SIRT7: variants seen among roughly 807,000 people sequenced by gnomAD.
The protein encoded by SIRT7 is sirtuin 7.
In SIRT7, 32 loss-of-function variants were observed where a neutral mutation model predicts 42.8. The ratio of observed to expected loss-of-function variants is 0.75; its 90% CI spans 0.56 to 1.00. The LOEUF (loss-of-function observed/expected upper bound fraction) is 1.00. Ranked by LOEUF, SIRT7 falls within the 50% of genes least tolerant of loss-of-function variation. The probability of loss-of-function intolerance (pLI) is 0.00; values close to 1 mark genes in which losing one functional copy is unlikely to be tolerated. For synonymous variants in SIRT7, 297 were observed against 245.2 expected, an observed-to-expected ratio of 1.21 and a Z score of -1.97; for missense variants, 553 against 572.2, an observed-to-expected ratio of 0.97 and a Z score of 0.34.
At chr17:81,917,777 G>C (rs1475149139) in intron 2 of SIRT7, 53 bp downstream of exon 2, 1 of 1,424,372 alleles carries the variant, frequency 7.0e-7, no homozygotes, top group East Asian at 3.0e-5. Context: ...ACCGCCCGTC[G>C]CCCCAGCTGC....
rs2040741837 is a variant in SIRT7 at position 81,913,942 on chromosome 17, G to A, written c.898-62C>T. 1 of 1,543,772 alleles carries A rather than the reference G, an allele frequency of 6.5e-7. No individual in the cohort carries two copies. The highest frequency in any genetic ancestry group is 8.8e-7 in the Non-Finnish European group (1 of 1,137,242). On this transcript the variant is annotated intron_variant, in intron 8 of 9. Coordinates refer to ENST00000328666, the MANE Select transcript of SIRT7 (RefSeq NM_016538.3). The surrounding 1 kb of genome is among the most constrained non-coding windows in gnomAD (Gnocchi z 5.0). ...CCCAACCCTTCCCGGTGGCCTGTCAGCCTTGGCCCCTACGGGCTCAGTCGG... is the reference window on the plus strand; with the variant it reads ...CCCAACCCTTCCCGGTGGCCTGTCAACCTTGGCCCCTACGGGCTCAGTCGG...
intron 9 of SIRT7, chr17:81,913,000 A>G (rs2040717258): frequency 5.4e-6 from 2 of 373,644 alleles, no homozygotes; most frequent in Non-Finnish European, 1.0e-5. Context: ...CAGGTGGACC[A>G]GACCCTCTCC....
In SIRT7 at chr17:81,915,491, G is replaced by C; in HGVS notation, c.429C>G (p.Ala143=). ...RSVSAADLSE[A]EPTLTHMSIT... ...TGCTCATGTGGGTGAGGGTTGGCTC[G>C]GCCTCGCTCAGGTCGGCAGCACTGC... The change falls in exon 5 of 10, where the codon GCC becomes GCG. Residue 143 remains alanine (A), a synonymous_variant. Coordinates refer to ENST00000328666, the MANE Select transcript of SIRT7 (RefSeq NM_016538.3). The C allele has an allele frequency of 1.9e-6, 3 of 1,613,648 alleles. No individual in the cohort carries two copies. Among genetic ancestry groups the C allele is most frequent in the Non-Finnish European group, 2.5e-6 (3 of 1,179,914 alleles).
At chr17:81,915,986 T>G in intron 3 of SIRT7, 1 of 418,412 alleles carries the variant, frequency 2.4e-6, no homozygotes, top group Non-Finnish European at 4.5e-6. Flanking sequence ...CTGTGGCACA[T>G]GTGTCCTCCA....
rs999598842 is a variant in SIRT7, at chr17:81,913,550, C to G, written c.1004+224G>C. The G allele has an allele frequency of 3.7e-6, 2 of 542,686 alleles. No homozygotes were observed. The highest frequency in any genetic ancestry group is 4.0e-5 in the South Asian group (2 of 50,126). 33.6% of individuals were successfully genotyped at this position (542,686 alleles called of 1,614,324 possible). The stretch of plus-strand genomic sequence containing the variant: ...AGCACGCGGGCAGAATCCCTCTCCC[C>G]GCGGGGATTGTGTGTGCCACATCAG... On this transcript the variant is annotated intron_variant, in intron 9 of 9. Coordinates refer to ENST00000328666, the MANE Select transcript of SIRT7 (RefSeq NM_016538.3). This position sits in a 1 kb window ranked among gnomAD's most constrained non-coding sequence, Gnocchi z 5.0.
chr17:81,917,502 G>A, intron 3 of SIRT7, 113 bp downstream of exon 3: 1 of 913,302 alleles, frequency 1.1e-6, no homozygotes, highest in Admixed American at 3.8e-5. Context: ...GGTAAGTTTT[G>A]GTCATTTCGT....
Position 81,912,211 on chromosome 17 carries a change from G to T in SIRT7, c.*205C>A. On this transcript the variant is annotated 3_prime_UTR_variant, in exon 10 of 10. Coordinates refer to ENST00000328666, the MANE Select transcript of SIRT7 (RefSeq NM_016538.3). ...CCACCTCTTGACACAGAGGCCGGATGGGCAGGTGTCCTCGATGGCCAGGCC... is the reference window on the plus strand; with the variant it reads ...CCACCTCTTGACACAGAGGCCGGATTGGCAGGTGTCCTCGATGGCCAGGCC... 3.2e-6 allele frequency: 2 copies of T among 628,350 alleles called. No individual in the cohort carries two copies. The highest frequency in any genetic ancestry group is 1.8e-5 in the African/African-American group (1 of 54,572). The allele number at this position is 628,350 out of a possible 1,614,324, so 38.9% of individuals were successfully genotyped here. A position where few individuals can be genotyped will look rare whatever the true frequency, so the allele number is the denominator to read the frequency against.
At chr17:81,915,542 G>A (rs749144381) in intron 4 of SIRT7, 30 bp from the exon 5 acceptor site, 1 of 1,613,352 alleles carries the variant, frequency 6.2e-7, no homozygotes, top group South Asian at 1.1e-5. Flanking sequence ...GCAAGGTGAG[G>A]AGAGCTGGAG....
Position 81,915,527 on chromosome 17 carries a change from G to A in SIRT7, c.408-15C>T. 3 of 1,613,552 alleles carry A rather than the reference G, an allele frequency of 1.9e-6. No homozygotes were observed. Among genetic ancestry groups the A allele is most frequent in the South Asian group, 2.2e-5 (2 of 90,974 alleles). ...GGTCGGCAGCACTGCCAGGCAGAAA[G>A]GAAGGCAAGGTGAGGAGAGCTGGAG... is the stretch of plus-strand genomic sequence containing the variant. On this transcript the variant is annotated splice_polypyrimidine_tract_variant and intron_variant, in intron 4 of 9. Coordinates refer to ENST00000328666, the MANE Select transcript of SIRT7 (RefSeq NM_016538.3).
Position 81,913,073 on chromosome 17 carries a change from G to T in SIRT7, c.1005-459C>A. On this transcript the variant is annotated intron_variant, in intron 9 of 9. Transcript: ENST00000328666. This position sits in a 1 kb window ranked among gnomAD's most constrained non-coding sequence, Gnocchi z 5.0. ...GACCCCGTGAAGAAAGCATGTGTCT[G>T]ACGGAGATGCAGAACCACAGATCAT... The T allele has an allele frequency of 2.8e-6, 1 of 355,090 alleles. No homozygotes were observed. Among genetic ancestry groups the T allele is most frequent in the Non-Finnish European group, 5.4e-6 (1 of 183,656 alleles). 22.0% of individuals were successfully genotyped at this position (355,090 alleles called of 1,614,324 possible). A position where few individuals can be genotyped will look rare whatever the true frequency, so the allele number is the denominator to read the frequency against.
Position 81,913,822 on chromosome 17 carries a change from A to G in SIRT7, c.956T>C (p.Met319Thr), listed in dbSNP as rs754219613. ...GCCCAGCTCGGCCATGAGGAGCCGC[A>G]TGACGTCATCACACTTCCCATGTAG... ...LKLHGKCDDV[M>T]RLLMAELGLE... The change falls in exon 9 of 10, where the codon ATG (methionine) becomes ACG (threonine). Residue 319 changes from methionine to threonine, a missense_variant. Physicochemically the swap from Met to Thr is moderately conservative, Grantham distance 81. Transcript: ENST00000328666. This position sits in a 1 kb window ranked among gnomAD's most constrained non-coding sequence, Gnocchi z 5.0. 1.3e-6 allele frequency: 2 copies of G among 1,549,904 alleles called. No homozygotes were observed. The highest frequency in any genetic ancestry group is 1.2e-5 in the South Asian group (1 of 84,058).
Position 81,913,490 on chromosome 17 carries a change from A to C in SIRT7, c.1004+284T>G. 1 of 458,762 alleles carries C rather than the reference A, an allele frequency of 2.2e-6. No individual in the cohort carries two copies. Among genetic ancestry groups the C allele is most frequent in the Non-Finnish European group, 4.1e-6 (1 of 246,602 alleles). The allele number at this position is 458,762 out of a possible 1,614,324, so 28.4% of individuals were successfully genotyped here. ...CCCCTCCAGATGCTTCCCACCAGGC[A>C]TCTCGGAGAGCTCCACGGGGAGGCC... On this transcript the variant is annotated intron_variant, in intron 9 of 9. Coordinates refer to ENST00000328666, the MANE Select transcript of SIRT7 (RefSeq NM_016538.3). The surrounding 1 kb of genome is among the most constrained non-coding windows in gnomAD (Gnocchi z 5.0).
chr17:81,912,345 G>A lies in SIRT7; in HGVS notation c.*71C>T. 1 of 1,581,450 alleles carries A rather than the reference G, an allele frequency of 6.3e-7. No individual in the cohort carries two copies. Among genetic ancestry groups the A allele is most frequent in the Non-Finnish European group, 8.7e-7 (1 of 1,151,002 alleles). On this transcript the variant is annotated 3_prime_UTR_variant, in exon 10 of 10. Transcript: ENST00000328666. The stretch of plus-strand genomic sequence containing the variant: ...AAGAGTTCGTTCTCCCTAGACCCGT[G>A]GGGGCAACCCAGCCTTCACCGTGAC...
At chr17:81,914,571 A>G (rs2040757142) in intron 6 of SIRT7, 33 bp downstream of exon 6, 1 of 1,612,380 alleles carries the variant, frequency 6.2e-7, no homozygotes, top group South Asian at 1.1e-5. Flanking sequence ...CCGCCTGCCC[A>G]TGGAGACCCT....
intron 3 of SIRT7, 69 bp from the exon 4 acceptor site, chr17:81,915,750 A>C: frequency 6.5e-7 from 1 of 1,546,272 alleles, no homozygotes; most frequent in Non-Finnish European, 8.8e-7. Context: ...AATTCCCAGA[A>C]ACGGAAAGCC....
At position 81,915,430 on chromosome 17, in the gene SIRT7, G is replaced by A. The variant is rs377220468; in HGVS notation, c.480+10C>T. ...CCCTGGCAAGTGTACCAGCCACCCA[G>A]GGCTCTTACCAGCTTCTGCTCATGC... On this transcript the variant is annotated intron_variant, in intron 5 of 9. Transcript: ENST00000328666. The A allele has an allele frequency of 6.2e-7, 1 of 1,611,536 alleles. No homozygotes were observed. The highest frequency in any genetic ancestry group is 2.2e-5 in the East Asian group (1 of 44,840).
At position 81,912,396 on chromosome 17, in the gene SIRT7, G is replaced by A. The variant is rs74006134; in HGVS notation, c.*20C>T. On this transcript the variant is annotated 3_prime_UTR_variant, in exon 10 of 10. Transcript: ENST00000328666. ...ACTGGCCATCTGCAAAGTGCCAACT[G>A]TTCTTCATCGAGCACGTGATTACGT... 2,379 of 1,614,074 alleles carry A rather than the reference G, an allele frequency of 1.5e-3. 18 individuals carry two copies. In the African/African-American group the frequency reaches 0.026, roughly 18 times the overall value.
At position 81,914,417 on chromosome 17, in the gene SIRT7, C is replaced by T. The variant is rs773571474; in HGVS notation, c.693G>A (p.Gln231=). The T allele has an allele frequency of 6.2e-7, 1 of 1,613,398 alleles. No homozygotes were observed. The highest frequency in any genetic ancestry group is 2.2e-5 in the East Asian group (1 of 44,884). ...TGRTCHKCGT[Q]LRDTIVHFGE... Reference sequence around the variant, plus strand: ...CAAAGTGCACAATGGTGTCCCGCAGCTGGGTCCCACACTTGTGGCAGGTCC... The same window carrying T: ...CAAAGTGCACAATGGTGTCCCGCAGTTGGGTCCCACACTTGTGGCAGGTCC... The change falls in exon 7 of 10, where the codon CAG becomes CAA. Residue 231 remains glutamine, a synonymous_variant. Transcript: ENST00000328666.
chr17:81,917,945 G>C lies in SIRT7; in HGVS notation c.116C>G (p.Ala39Gly). ...LRQVSRILRKAAAERSAEEGR... is the reference protein window; with the variant it reads ...LRQVSRILRKGAAERSAEEGR... ...CTCCTCGGCGCTGCGCTCCGCCGCC[G>C]CCTTCCTCAGGATGCGCGACACCTG... Residue 39 changes from alanine to glycine, a missense_variant, in exon 2 of 10, where the codon GCG becomes GGG. Ala to Gly is a moderately conservative substitution (Grantham distance 60, BLOSUM62 0). Coordinates refer to ENST00000328666, the MANE Select transcript of SIRT7 (RefSeq NM_016538.3). The C allele has an allele frequency of 2.2e-6, 3 of 1,380,602 alleles. No homozygotes were observed. The highest frequency in any genetic ancestry group is 3.0e-5 in the Admixed American group (1 of 33,642). 85.5% of individuals were successfully genotyped at this position (1,380,602 alleles called of 1,614,324 possible). A position where few individuals can be genotyped will look rare whatever the true frequency, so the allele number is the denominator to read the frequency against.
Sources: allele counts gnomAD v4.1 joint callset, GRCh38; gene constraint gnomAD v4.1.1; non-coding constraint Gnocchi (gnomAD v3.1); transcripts MANE v1.5; gene names NCBI Gene and HGNC (gene_info 2026-07-23, HGNC 2026-07-21).